MAGED1: variants seen among roughly 807,000 people sequenced by gnomAD.
MAGED1 encodes the protein melanoma-associated antigen D1.
MAGED1 carries 3 observed loss-of-function variants against 54.1 expected under a neutral mutation model. That is an observed-to-expected ratio of 0.06 (90% confidence interval 0.03 to 0.14). The LOEUF (loss-of-function observed/expected upper bound fraction) is 0.14, where lower values mean the gene tolerates loss of function less well. MAGED1 is among the 10% of genes least tolerant of loss of function. MAGED1 has a pLI of 1.00. For synonymous variants in MAGED1, 217 were observed against 227.3 expected, an observed-to-expected ratio of 0.95 and a Z score of 0.41; for missense variants, 485 against 623.4, an observed-to-expected ratio of 0.78 and a Z score of 2.36.
rs201592334 is a variant in MAGED1 at position 51,902,114 on chromosome X, A to AT, written c.*9-25dup. The AT allele has an allele frequency of 8.4e-4, 328 of 392,710 alleles. No homozygotes were observed. In the East Asian group the frequency reaches 0.013, roughly 15 times the overall value. 32.4% of individuals were successfully genotyped at this position (392,710 alleles called of 1,213,427 possible). On this transcript the variant is annotated intron_variant, in intron 12 of 12. Coordinates refer to ENST00000326587, the MANE Select transcript of MAGED1 (RefSeq NM_006986.4). ...CCTTATTATTTGATATATATCATTG[A>AT]TTTTTTTACTTCTTCTTTCTTATGT...
At chrX:51,875,888 G>T (rs1927848705) in intron 1 of MAGED1, among the ~76,000 whole-genome samples, 1 of 111,489 alleles carries the variant, frequency 9.0e-6, no homozygotes, top group Non-Finnish European at 1.9e-5. Context: ...TCAAAGGATA[G>T]ATGTTTAAGG....
intron 3 of MAGED1, chrX:51,896,193 G>C: frequency 2.3e-6 from 1 of 430,985 alleles, no homozygotes; most frequent in Non-Finnish European, 4.0e-6. Flanking sequence ...AGGAAGAGGA[G>C]AAGCCTCAGG....
chrX:51,897,274 A>G lies in MAGED1; in HGVS notation c.1486+3A>G. ...AAAGGTGCCCATCAAGCGCTCAGGTATGCATCCAGTGTCCCCTCCCCAAGC... is the reference window on the plus strand; with the variant it reads ...AAAGGTGCCCATCAAGCGCTCAGGTGTGCATCCAGTGTCCCCTCCCCAAGC... On this transcript the variant is annotated splice_donor_region_variant and intron_variant, in intron 5 of 12. Coordinates refer to ENST00000326587, the MANE Select transcript of MAGED1 (RefSeq NM_006986.4). 8.3e-7 allele frequency: 1 copy of G among 1,207,937 alleles called. No homozygotes were observed. Among genetic ancestry groups the G allele is most frequent in the Non-Finnish European group, 1.1e-6 (1 of 892,846 alleles).
intron 1 of MAGED1, among the ~76,000 whole-genome samples, chrX:51,847,818 A>G (rs1926740868): frequency 8.9e-6 from 1 of 112,040 alleles, no homozygotes; most frequent in African/African-American, 3.2e-5. Flanking sequence ...CTGATATGTC[A>G]TATACCAAAT....
intron 1 of MAGED1, among the ~76,000 whole-genome samples, chrX:51,887,397 AAAAG>A (rs1389407507): frequency 2.7e-5 from 3 of 110,340 alleles, no homozygotes; most frequent in South Asian, 3.9e-4. Context: ...ATAATTTTGA[AAAAG>A]AAAGATAAAG....
chrX:51,858,108 C>CA (rs1287124419), intron 1 of MAGED1: 1 of 112,307 alleles, frequency 8.9e-6, no homozygotes, highest in African/African-American at 3.2e-5. Flanking sequence ...GCCAGTGTGC[C>CA]AAGCACTACA....
At chrX:51,858,906 G>C (rs1602241683) in intron 1 of MAGED1, among the ~76,000 whole-genome samples, 1 of 111,850 alleles carries the variant, frequency 8.9e-6, no homozygotes, top group African/African-American at 3.2e-5. Flanking sequence ...GGAATATGCA[G>C]TACTCTAGCA....
chrX:51,817,958 C>T (rs782746526), intron 1 of MAGED1, among the ~76,000 whole-genome samples: 2 of 112,190 alleles, frequency 1.8e-5, no homozygotes, highest in Admixed American at 1.9e-4. Context: ...CCCATTTACG[C>T]TATTTCTTAC....
chrX:51,895,340 C>G lies in MAGED1; in HGVS notation c.333C>G (p.Ala111=). ...TGCCCAACACGCAGCCCAAGGCAGC[C>G]TTTAAGTCCCAAAATGCTACCCCAA... ...KDVPNTQPKA[A]FKSQNATPKG... The change falls in exon 3 of 13, where the codon GCC becomes GCG. Residue 111 remains alanine (A), a synonymous_variant. Coordinates refer to ENST00000326587, the MANE Select transcript of MAGED1 (RefSeq NM_006986.4). 8.3e-7 allele frequency: 1 copy of G among 1,210,255 alleles called. No individual in the cohort carries two copies. Among genetic ancestry groups the G allele is most frequent in the East Asian group, 3.0e-5 (1 of 33,802 alleles).
intron 1 of MAGED1, among the ~76,000 whole-genome samples, chrX:51,861,398 T>C (rs1557360657): frequency 8.9e-6 from 1 of 111,973 alleles, no homozygotes; most frequent in Non-Finnish European, 1.9e-5. Flanking sequence ...AATCTACTTC[T>C]TTTGGTTTTT....
rs1192706194 is a variant in MAGED1, at chrX:51,829,549, G to C, written c.-37+26432G>C. 4.5e-5 allele frequency among the ~76,000 whole-genome samples: 5 copies of C among 109,996 alleles called. No homozygotes were observed. The Admixed American group carries it at 4.9e-4, about 11-fold the overall frequency. On this transcript the variant is annotated intron_variant, in intron 1 of 12. Coordinates refer to the MAGED1 transcript ENST00000375772. ...TTAATTTTTAAAAAAAAAAATTAGG[G>C]GACTGTTTATTATCTCAGGGAAGGG...
chrX:51,822,264 G>A (rs935884207), intron 1 of MAGED1, among the ~76,000 whole-genome samples: 9 of 111,713 alleles, frequency 8.1e-5, no homozygotes, highest in African/African-American at 2.9e-4. Flanking sequence ...TTCTTCCTAA[G>A]TCAGATTCAG....
At chrX:51,813,743 G>C (rs1302605755) in intron 1 of MAGED1, among the ~76,000 whole-genome samples, 1 of 111,515 alleles carries the variant, frequency 9.0e-6, no homozygotes, top group Non-Finnish European at 1.9e-5. Context: ...AGCCATCATG[G>C]GGGGAAGGGA....
intron 1 of MAGED1, among the ~76,000 whole-genome samples, chrX:51,828,449 T>G (rs1925938173): frequency 9.0e-6 from 1 of 111,643 alleles, no homozygotes; most frequent in African/African-American, 3.2e-5. Flanking sequence ...GATTCAAGTT[T>G]CTGACATGTT....
At chrX:51,806,268 G>A (rs1215212657) in intron 1 of MAGED1, among the ~76,000 whole-genome samples, 4 of 111,366 alleles carry the variant, frequency 3.6e-5, no homozygotes, top group Non-Finnish European at 7.5e-5. Context: ...CACCGCGCCC[G>A]GCCAGCTCAA....
intron 1 of MAGED1, among the ~76,000 whole-genome samples, chrX:51,871,359 G>T: frequency 9.2e-6 from 1 of 108,794 alleles, no homozygotes; most frequent in African/African-American, 3.4e-5. Flanking sequence ...TGCCATGTTG[G>T]TGTGCTGCAC....
intron 1 of MAGED1, among the ~76,000 whole-genome samples, chrX:51,821,939 ATGGTG>A (rs1557356564): frequency 9.0e-6 from 1 of 111,650 alleles, no homozygotes; most frequent in Non-Finnish European, 1.9e-5. Flanking sequence ...GATCTCAGTC[ATGGTG>A]TGGAGTTCTT....
intron 1 of MAGED1, among the ~76,000 whole-genome samples, chrX:51,842,211 T>A (rs1557358697): frequency 8.9e-6 from 1 of 112,290 alleles, no homozygotes; most frequent in African/African-American, 3.2e-5. Flanking sequence ...GTAATATATT[T>A]GAAGAGCCTT....
chrX:51,872,628 G>A (rs782738700), intron 1 of MAGED1, among the ~76,000 whole-genome samples: 1 of 111,843 alleles, frequency 8.9e-6, no homozygotes, highest in Non-Finnish European at 1.9e-5. Context: ...CACAATTAAT[G>A]TTTTGGTTTG....
Sources: gnomAD v4.1 joint callset for allele counts (sites outside exome capture counted in the v4.1 genomes callset) on GRCh38, gnomAD v4.1.1 for gene constraint, MANE v1.5 for transcripts, NCBI Gene and HGNC (gene_info 2026-07-23, HGNC 2026-07-21) for gene names.